Variants in TP63 observed in about 807,000 individuals in gnomAD.
The protein encoded by TP63 is tumor protein p63.
Under a neutral mutation model 82.8 loss-of-function variants are expected in TP63, and 17 were observed. The observed-to-expected ratio is 0.21, with a 90% CI of 0.14 to 0.31. The LOEUF is 0.31. TP63 is among the 10% of genes least tolerant of loss of function. The pLI is 1.00. For synonymous variants in TP63, 330 were observed against 321.7 expected (o/e 1.03, Z -0.28); for missense variants, 648 against 895.3 (o/e 0.72, Z 3.52).
At chr3:189,862,812 G>T (rs769827347) in intron 4 of TP63, among the ~76,000 whole-genome samples, 1 of 152,090 alleles carries the variant, frequency 6.6e-6, no homozygotes, top group African/African-American at 2.4e-5. Flanking sequence ...TATTTTTGTG[G>T]TTGAAGTTTG....
intron 1 of TP63, among the ~76,000 whole-genome samples, chr3:189,655,892 T>C (rs770092526): frequency 6.6e-6 from 1 of 152,154 alleles, no homozygotes; most frequent in Non-Finnish European, 1.5e-5. Context: ...AGTGGAACTT[T>C]TGTGAAATAT....
chr3:189,611,569 C>T, the TP63 span, among the ~76,000 whole-genome samples: 1 of 152,158 alleles, frequency 6.6e-6, no homozygotes, highest in Admixed American at 6.5e-5. Context: ...AGTCAGGTAA[C>T]ATGATGCCTC....
At chr3:189,647,435 A>G (rs902848939) in intron 1 of TP63, among the ~76,000 whole-genome samples, 4 of 147,064 alleles carry the variant, frequency 2.7e-5, no homozygotes, top group Admixed American at 6.7e-5. Context: ...AATATGACTC[A>G]TATTTCAGCA....
At chr3:189,714,601 T>A (rs535723472) in intron 1 of TP63, among the ~76,000 whole-genome samples, 13 of 152,270 alleles carry the variant, frequency 8.5e-5, no homozygotes, top group African/African-American at 3.1e-4. Context: ...AGACTGTATC[T>A]CTCACTGATG....
chr3:189,812,276 C>T (rs924721919), intron 4 of TP63, among the ~76,000 whole-genome samples: 22 of 152,006 alleles, frequency 1.4e-4, no homozygotes, highest in African/African-American at 2.2e-4. Context: ...ATTATGTTTC[C>T]AGTTCTACAA....
chr3:189,649,170 A>C (rs1439995588), intron 1 of TP63, among the ~76,000 whole-genome samples: 2 of 146,986 alleles, frequency 1.4e-5, no homozygotes, highest in Non-Finnish European at 3.0e-5. Flanking sequence ...AATGAGGAAA[A>C]TAACAGATAT....
chr3:189,828,396 T>C (rs1263256061), intron 4 of TP63, among the ~76,000 whole-genome samples: 1 of 152,190 alleles, frequency 6.6e-6, no homozygotes, highest in Non-Finnish European at 1.5e-5. Context: ...ACTCCTACCA[T>C]TGTAACATTT....
At chr3:189,882,055 GA>G (rs922552917) in intron 10 of TP63, among the ~76,000 whole-genome samples, 3 of 149,178 alleles carry the variant, frequency 2.0e-5, no homozygotes, top group African/African-American at 2.5e-5. Context: ...AAATATTTCA[GA>G]AAAAAAAATC....
At chr3:189,862,636 A>G (rs1385853027) in intron 4 of TP63, among the ~76,000 whole-genome samples, 2 of 152,216 alleles carry the variant, frequency 1.3e-5, no homozygotes, top group Non-Finnish European at 2.9e-5. Context: ...TATGCGTTAT[A>G]TACCTCCTAA....
At chr3:189,750,395 A>C (rs1377979646) in intron 3 of TP63, among the ~76,000 whole-genome samples, 3 of 152,170 alleles carry the variant, frequency 2.0e-5, no homozygotes, top group Non-Finnish European at 4.4e-5. Context: ...TATAAGTTCT[A>C]ATGTTGAATA....
intron 13 of TP63, among the ~76,000 whole-genome samples, chr3:189,892,445 T>G (rs1369162310): frequency 6.6e-6 from 1 of 152,154 alleles, no homozygotes; most frequent in Non-Finnish European, 1.5e-5. Context: ...TACAAAGAGC[T>G]TTGCATTTAC....
chr3:189,872,372 A>G (rs76111716), intron 9 of TP63, among the ~76,000 whole-genome samples: 20,418 of 151,120 alleles, frequency 0.14, 1,726 homozygotes, highest in South Asian at 0.21. Context: ...AATTAGCCTT[A>G]TAACTCATGC....
chr3:189,854,463 C>T (rs555534694), intron 4 of TP63, among the ~76,000 whole-genome samples: 4 of 152,278 alleles, frequency 2.6e-5, no homozygotes, highest in Admixed American at 6.5e-5. Context: ...AAACTCCTAA[C>T]CTCAGGTGGT....
At position 189,697,749 on chromosome 3, in the gene TP63, A is replaced by T. The variant is rs558950107; in HGVS notation, c.63-39991A>T. The stretch of plus-strand genomic sequence containing the variant: ...TTTTGTCAGTTTTATACTTTTCTGC[A>T]TATAGATCCTGTATTTATTTTATTG... On this transcript the variant is annotated intron_variant, in intron 1 of 13. Coordinates refer to ENST00000264731, the MANE Select transcript of TP63 (RefSeq NM_003722.5). 1.6e-4 allele frequency among the ~76,000 whole-genome samples: 25 copies of T among 152,154 alleles called. 1 individual carries two copies. The South Asian group carries it at 5.2e-3, about 32-fold the overall frequency.
intron 3 of TP63, among the ~76,000 whole-genome samples, chr3:189,765,432 G>GATTTTTTTTT (rs1560167431): frequency 1.6e-4 from 1 of 6,186 alleles, no homozygotes; most frequent in Non-Finnish European, 3.7e-4. Context: ...CCTGTCCTCT[G>GATTTTTTTTT]CTTTTTTTTT....
At chr3:189,772,369 G>T (rs1723443905) in intron 3 of TP63, among the ~76,000 whole-genome samples, 1 of 152,172 alleles carries the variant, frequency 6.6e-6, no homozygotes, top group African/African-American at 2.4e-5. Flanking sequence ...AGCCAGTCTA[G>T]AATCCAGGTC....
At chr3:189,892,514 C>T (rs749300521) in intron 13 of TP63, among the ~76,000 whole-genome samples, 6 of 152,236 alleles carry the variant, frequency 3.9e-5, no homozygotes, top group South Asian at 2.1e-4. Flanking sequence ...TTATTTAGGC[C>T]GGGCATGGTG....
upstream of TP63, among the ~76,000 whole-genome samples, chr3:189,628,315 A>G (rs1729364652): frequency 6.6e-6 from 1 of 152,158 alleles, no homozygotes; most frequent in African/African-American, 2.4e-5. Context: ...CCAAGGCACA[A>G]GAGCAACCAG....
intron 1 of TP63, among the ~76,000 whole-genome samples, chr3:189,650,397 G>A (rs527422502): frequency 2.0e-5 from 3 of 146,742 alleles, no homozygotes; most frequent in East Asian, 2.4e-4. Context: ...TGTGTCCCCC[G>A]CCCCAAATCT....
Sources: gnomAD v4.1 joint callset for allele counts (sites outside exome capture counted in the v4.1 genomes callset) on GRCh38, gnomAD v4.1.1 for gene constraint, MANE v1.5 for transcripts, NCBI Gene and HGNC (gene_info 2026-07-23, HGNC 2026-07-21) for gene names.